Variants in LRIG3 observed in about 807,000 individuals in gnomAD.
The protein encoded by LRIG3 is leucine rich repeats and immunoglobulin like domains 3.
A neutral mutation model predicts 114.5 loss-of-function variants in LRIG3; 76 were observed. The ratio of observed to expected loss-of-function variants is 0.66; its 90% CI spans 0.55 to 0.80. LRIG3 has a LOEUF of 0.80. Among genes scored for constraint, LRIG3 ranks in the 30% least tolerant of loss-of-function variants. The pLI, the probability that LRIG3 is intolerant of heterozygous loss-of-function variation, is 0.00. For synonymous variants in LRIG3, 512 were observed against 519.8 expected, an observed-to-expected ratio of 0.98 and a Z score of 0.20; for missense variants, 1,239 against 1,382.8, an observed-to-expected ratio of 0.90 and a Z score of 1.65.
At chr12:58,885,808 G>GT in intron 10 of LRIG3, 23 bp downstream of exon 10, 1 of 1,504,640 alleles carries the variant, frequency 6.6e-7, no homozygotes, top group Non-Finnish European at 9.0e-7. Flanking sequence ...CTCTTTTAGG[G>GT]TAACTAAATT....
intron 3 of LRIG3, among the ~76,000 whole-genome samples, chr12:58,903,757 G>A (rs940702367): frequency 6.6e-6 from 1 of 151,856 alleles, no homozygotes; most frequent in African/African-American, 2.4e-5. Context: ...GTGTAAGGAA[G>A]GGATCCAGTT....
intron 10 of LRIG3, among the ~76,000 whole-genome samples, chr12:58,884,045 C>A (rs1871197468): frequency 1.3e-5 from 2 of 152,186 alleles, no homozygotes; most frequent in Non-Finnish European, 2.9e-5. Flanking sequence ...TTTATTCCTA[C>A]AACAACCCAA....
intron 10 of LRIG3, among the ~76,000 whole-genome samples, chr12:58,884,181 A>G (rs924103843): frequency 1.3e-4 from 20 of 152,226 alleles, no homozygotes; most frequent in African/African-American, 4.6e-4. Flanking sequence ...GCTCACTAAC[A>G]TAAACGCAGT....
At position 58,880,801 on chromosome 12, in the gene LRIG3, A is replaced by G; in HGVS notation, c.1581T>C (p.Asp527=). 6.2e-6 allele frequency: 10 copies of G among 1,614,208 alleles called. No individual in the cohort carries two copies. The highest frequency in any genetic ancestry group is 8.5e-6 in the Non-Finnish European group (10 of 1,180,036). ...SFICSAASSS[D]SPMTFAWKKD... is the part of the protein sequence containing the mutation. ...TTTTCCAAGCAAAAGTCATTGGGGA[A>G]TCACTGCTGCTGGCAGCTGAGCAGA... The change falls in exon 13 of 19, where the codon GAT becomes GAC. Residue 527 remains aspartate, a synonymous_variant. Coordinates refer to ENST00000320743, the MANE Select transcript of LRIG3 (RefSeq NM_153377.5).
chr12:58,878,589 CT>C (rs1029364432), intron 14 of LRIG3, among the ~76,000 whole-genome samples: 64 of 152,158 alleles, frequency 4.2e-4, no homozygotes, highest in African/African-American at 1.5e-3. Flanking sequence ...TCCTCGGCCC[CT>C]CTCTTCAGGA....
Position 58,874,087 on chromosome 12 carries a change from G to A in LRIG3, c.3083C>T (p.Pro1028Leu). Reference protein sequence around the residue: ...SSLDFSANPEPASVASSNSFM... With the variant: ...SSLDFSANPELASVASSNSFM... ...AGAATTACTCGAGGCAACCGACGCT[G>A]GCTCTGGATTTGCACTAAAATCTAA... Residue 1028 changes from proline (P) to leucine (L), a missense_variant, in exon 18 of 19, where the codon CCA becomes CTA. Transcript: ENST00000320743. 1 of 1,614,194 alleles carries A rather than the reference G, an allele frequency of 6.2e-7. No homozygotes were observed. Among genetic ancestry groups the A allele is most frequent in the Non-Finnish European group, 8.5e-7 (1 of 1,180,030 alleles).
At chr12:58,876,297 A>G in intron 16 of LRIG3, 148 bp downstream of exon 16, 1 of 744,582 alleles carries the variant, frequency 1.3e-6, no homozygotes, top group South Asian at 1.9e-5. Context: ...AACGGTATAG[A>G]ACTATACAAT....
chr12:58,888,734 G>T, intron 6 of LRIG3, 85 bp downstream of exon 6: 1 of 1,500,824 alleles, frequency 6.7e-7, no homozygotes. Flanking sequence ...TTTTAACATA[G>T]GATTTCACAT....
chr12:58,881,743 G>A (rs150362031), intron 12 of LRIG3, among the ~76,000 whole-genome samples: 1 of 152,160 alleles, frequency 6.6e-6, no homozygotes, highest in Non-Finnish European at 1.5e-5. Context: ...TATTGAATGG[G>A]TTATAGGGGA....
chr12:58,883,384 G>T lies in LRIG3; in HGVS notation c.1316+136C>A, dbSNP rs948481809. ...AAAAGAACAAATAAACTCCTTTTCT[G>T]TTGCCTAGTATAAAAATTAAGTAAT... On this transcript the variant is annotated intron_variant, in intron 11 of 18. Transcript: ENST00000320743. The T allele has an allele frequency of 7.0e-5, 40 of 573,164 alleles. 2 individuals carry two copies. Among genetic ancestry groups the T allele is most frequent in the Non-Finnish European group, 9.9e-5 (35 of 354,218 alleles). 35.5% of individuals were successfully genotyped at this position (573,164 alleles called of 1,614,324 possible).
Position 58,874,343 on chromosome 12 carries a change from G to C in LRIG3, c.2840-13C>G, listed in dbSNP as rs779881279. On this transcript the variant is annotated splice_polypyrimidine_tract_variant and intron_variant, in intron 17 of 18. Transcript: ENST00000320743. ...TCAGGACTGCAACCTTTTTAATATG[G>C]GGGCAGTAACAGAAGGAGATTACAG... 1.4e-5 allele frequency: 23 copies of C among 1,606,584 alleles called. No homozygotes were observed. The South Asian group carries it at 2.4e-4, about 17-fold the overall frequency.
intron 3 of LRIG3, among the ~76,000 whole-genome samples, chr12:58,894,545 CAT>C (rs1871572497): frequency 1.3e-5 from 2 of 150,948 alleles, no homozygotes; most frequent in South Asian, 2.1e-4. Flanking sequence ...AAAAAAAAAA[CAT>C]ATTTTATGGA....
chr12:58,912,293 G>A (rs1218551315), intron 3 of LRIG3, among the ~76,000 whole-genome samples: 2 of 152,044 alleles, frequency 1.3e-5, no homozygotes, highest in Non-Finnish European at 1.5e-5. Flanking sequence ...TCAGGAGATC[G>A]AGACCATCCT....
chr12:58,913,359 T>C (rs964223666), intron 3 of LRIG3: 4 of 152,258 alleles, frequency 2.6e-5, no homozygotes, highest in African/African-American at 9.6e-5. Context: ...CCTACGTCAG[T>C]GCATGTATAT....
chr12:58,909,347 A>G (rs535941799), intron 3 of LRIG3, among the ~76,000 whole-genome samples: 1 of 152,292 alleles, frequency 6.6e-6, no homozygotes, highest in East Asian at 1.9e-4. Context: ...TACATTAAAG[A>G]ACAATTGCCA....
intron 3 of LRIG3, among the ~76,000 whole-genome samples, chr12:58,906,701 T>C (rs1290236940): frequency 1.3e-5 from 2 of 152,086 alleles, no homozygotes; most frequent in Non-Finnish European, 2.9e-5. Flanking sequence ...CCAGTTTCCC[T>C]TTGTGAGAAA....
intron 3 of LRIG3, among the ~76,000 whole-genome samples, chr12:58,897,994 G>C (rs1871704078): frequency 6.6e-6 from 1 of 152,150 alleles, no homozygotes. Flanking sequence ...ATGGGTACAA[G>C]ACCCCAGAGT....
intron 3 of LRIG3, among the ~76,000 whole-genome samples, chr12:58,912,793 C>T (rs1429698051): frequency 6.6e-6 from 1 of 152,190 alleles, no homozygotes; most frequent in Non-Finnish European, 1.5e-5. Flanking sequence ...GATACCAAAA[C>T]CAGCACTCCA....
At chr12:58,908,848 G>A (rs1872167425) in intron 3 of LRIG3, among the ~76,000 whole-genome samples, 1 of 152,154 alleles carries the variant, frequency 6.6e-6, no homozygotes, top group Admixed American at 6.5e-5. Flanking sequence ...ACTAACTTAT[G>A]CCATATACCT....
Sources: allele counts gnomAD v4.1 joint callset (sites outside exome capture counted in the v4.1 genomes callset), GRCh38; gene constraint gnomAD v4.1.1; transcripts MANE v1.5; gene names NCBI Gene and HGNC (gene_info 2026-07-23, HGNC 2026-07-21).